SUMF1: variants seen among roughly 807,000 people sequenced by gnomAD.
SUMF1 encodes the protein sulfatase modifying factor 1.
A neutral mutation model predicts 47.6 loss-of-function variants in SUMF1; 48 were observed. The ratio of observed to expected loss-of-function variants is 1.01; its 90% CI spans 0.80 to 1.28. The LOEUF (loss-of-function observed/expected upper bound fraction) is 1.28, where lower values mean the gene tolerates loss of function less well. Among genes scored for constraint, SUMF1 ranks in the 50% most tolerant of loss-of-function variants. The pLI is 0.00. For synonymous variants in SUMF1, 230 were observed against 192.1 expected (o/e 1.20, Z -1.63); for missense variants, 571 against 485.4 (o/e 1.18, Z -1.66).
intron 1 of SUMF1, among the ~76,000 whole-genome samples, chr3:4,454,517 G>T (rs1175381561): frequency 6.6e-6 from 1 of 152,228 alleles, no homozygotes; most frequent in African/African-American, 2.4e-5. Context: ...TTGGAAAACA[G>T]TCTGGCAGTT....
chr3:4,288,850 T>C (rs965397467), intron 8 of SUMF1, among the ~76,000 whole-genome samples: 19 of 151,802 alleles, frequency 1.3e-4, no homozygotes, highest in African/African-American at 4.4e-4. Context: ...TGTTTCTAAA[T>C]ACAATTTAAT....
chr3:4,324,919 A>G (rs1302926833), intron 8 of SUMF1, among the ~76,000 whole-genome samples: 1 of 152,128 alleles, frequency 6.6e-6, no homozygotes, highest in Non-Finnish European at 1.5e-5. Flanking sequence ...TTATAAAGAA[A>G]AAGAGGTTTA....
chr3:4,125,268 A>G (rs80219077), intron 8 of SUMF1, among the ~76,000 whole-genome samples: 4,747 of 152,262 alleles, frequency 0.031, 103 homozygotes, highest in African/African-American at 0.052. Flanking sequence ...AAGTGCTCAA[A>G]TAACTACATG....
intron 8 of SUMF1, among the ~76,000 whole-genome samples, chr3:4,134,111 C>A (rs143212563): frequency 9.9e-4 from 150 of 152,172 alleles, no homozygotes; most frequent in African/African-American, 3.3e-3. Flanking sequence ...CTCTGCACCA[C>A]GCAGACCTAA....
chr3:4,329,765 GT>G (rs67442713), intron 8 of SUMF1, among the ~76,000 whole-genome samples: 17,348 of 147,506 alleles, frequency 0.12, 1,416 homozygotes, highest in African/African-American at 0.24. Context: ...CTTAGAAAAT[GT>G]TTTTTTTTTT....
rs115181350 is a variant in SUMF1, at chr3:4,251,562, T to C, written c.1014+124768A>G. Among the ~76,000 whole-genome samples the C allele has an allele frequency of 5.5e-3, 832 of 152,334 alleles. 7 individuals carry two copies. The highest frequency in any genetic ancestry group is 0.018 in the African/African-American group (756 of 41,566). On this transcript the variant is annotated intron_variant and NMD_transcript_variant, in intron 8 of 12. Transcript: ENST00000448413. Reference sequence around the variant, plus strand: ...AATCTTTTCTGAAAGAGAAAGTCCATTGATGTGGCAAGCTTCATTGTTGTC... The same window carrying C: ...AATCTTTTCTGAAAGAGAAAGTCCACTGATGTGGCAAGCTTCATTGTTGTC...
intron 8 of SUMF1, among the ~76,000 whole-genome samples, chr3:4,160,538 A>G (rs557471491): frequency 6.6e-6 from 1 of 151,932 alleles, no homozygotes; most frequent in South Asian, 2.1e-4. Context: ...TCTGCTGTGT[A>G]TTTTCAAATA....
chr3:4,071,083 T>A (rs866370315), intron 8 of SUMF1, among the ~76,000 whole-genome samples: 1 of 152,150 alleles, frequency 6.6e-6, no homozygotes, highest in Admixed American at 6.6e-5. Context: ...TGTATATATA[T>A]ATGTAAGCTA....
At chr3:4,070,755 C>A (rs1482652297) in intron 8 of SUMF1, among the ~76,000 whole-genome samples, 1 of 152,048 alleles carries the variant, frequency 6.6e-6, no homozygotes, top group Non-Finnish European at 1.5e-5. Flanking sequence ...CCTGCCTCAG[C>A]CTCCTGAGTA....
chr3:4,153,505 A>T (rs576959143), intron 8 of SUMF1, among the ~76,000 whole-genome samples: 2 of 143,560 alleles, frequency 1.4e-5, no homozygotes. Flanking sequence ...TGTGAGCCAC[A>T]ATGCCCCGCC....
chr3:4,236,718 T>C (rs1043778589), intron 8 of SUMF1, among the ~76,000 whole-genome samples: 2 of 152,184 alleles, frequency 1.3e-5, no homozygotes, highest in African/African-American at 4.8e-5. Flanking sequence ...TAGAGCAGTA[T>C]GTTTGTAACA....
chr3:4,264,378 G>C (rs1161504158), intron 8 of SUMF1, among the ~76,000 whole-genome samples: 1 of 152,138 alleles, frequency 6.6e-6, no homozygotes, highest in Non-Finnish European at 1.5e-5. Flanking sequence ...TTCATATTAT[G>C]CCTCTTCAAA....
chr3:4,376,659 T>C (rs987583885), intron 7 of SUMF1, among the ~76,000 whole-genome samples: 2 of 152,238 alleles, frequency 1.3e-5, no homozygotes, highest in African/African-American at 4.8e-5. Flanking sequence ...TCTAAGTCCC[T>C]ACAGCATTTC....
chr3:4,203,681 T>A (rs1405702837), intron 8 of SUMF1, among the ~76,000 whole-genome samples: 1 of 152,050 alleles, frequency 6.6e-6, no homozygotes, highest in African/African-American at 2.4e-5. Flanking sequence ...CCTTTCTTCC[T>A]GTCTTCCTTT....
At chr3:4,102,947 G>T (rs1693070152) in intron 8 of SUMF1, among the ~76,000 whole-genome samples, 1 of 151,190 alleles carries the variant, frequency 6.6e-6, no homozygotes, top group Non-Finnish European at 1.5e-5. Context: ...ATTTGAGATG[G>T]AATCTCACTC....
At chr3:4,302,014 C>G (rs150494440) in intron 8 of SUMF1, among the ~76,000 whole-genome samples, 4 of 152,264 alleles carry the variant, frequency 2.6e-5, no homozygotes, top group Admixed American at 6.5e-5. Flanking sequence ...AGGAAAACAA[C>G]AAGAGGATAC....
chr3:4,443,900 T>C (rs1702691723), intron 3 of SUMF1, among the ~76,000 whole-genome samples: 1 of 151,670 alleles, frequency 6.6e-6, no homozygotes, highest in South Asian at 2.1e-4. Flanking sequence ...ACACACAAAA[T>C]AGTAAAAAGT....
intron 9 of SUMF1, among the ~76,000 whole-genome samples, chr3:4,039,167 G>T (rs1181249511): frequency 7.5e-6 from 1 of 132,466 alleles, no homozygotes; most frequent in Non-Finnish European, 1.6e-5. Context: ...CCTAAAAATG[G>T]ATCTATAACT....
intron 9 of SUMF1, among the ~76,000 whole-genome samples, chr3:4,049,304 G>A (rs1433393210): frequency 6.6e-6 from 1 of 152,078 alleles, no homozygotes; most frequent in Non-Finnish European, 1.5e-5. Flanking sequence ...TTTACTGGAG[G>A]TAATGCTGTA....
Sources: gnomAD v4.1 joint callset for allele counts (sites outside exome capture counted in the v4.1 genomes callset) on GRCh38, gnomAD v4.1.1 for gene constraint, MANE v1.5 for transcripts, NCBI Gene and HGNC (gene_info 2026-07-23, HGNC 2026-07-21) for gene names.